Variants in CPLX2 observed in about 807,000 individuals in gnomAD.
CPLX2 encodes the protein complexin-2.
In CPLX2, 5 loss-of-function variants were observed where a neutral mutation model predicts 16.3. The observed-to-expected ratio is 0.31, with a 90% CI of 0.16 to 0.64. CPLX2 has a LOEUF of 0.64. Ranked by LOEUF, CPLX2 falls within the 30% of genes least tolerant of loss-of-function variation. The pLI, the probability that CPLX2 is intolerant of heterozygous loss-of-function variation, is 0.79. For synonymous variants in CPLX2, 89 were observed against 73.2 expected, an observed-to-expected ratio of 1.22 and a Z score of -1.10; for missense variants, 144 against 181.4, an observed-to-expected ratio of 0.79 and a Z score of 1.18.
rs1429270777 is a variant in CPLX2 at position 175,880,263 on chromosome 5, G to A, written c.*218G>A. 2 of 666,716 alleles carry A rather than the reference G, an allele frequency of 3.0e-6. No homozygotes were observed. The highest frequency in any genetic ancestry group is 5.5e-6 in the Non-Finnish European group (2 of 363,534). The allele number at this position is 666,716 out of a possible 1,614,324, so 41.3% of individuals were successfully genotyped here. ...CCACTCCCAAGTAGCTTGAAAAAGG[G>A]AGGACAGTCTTTCCCCAGCAGGGGT... On this transcript the variant is annotated 3_prime_UTR_variant, in exon 4 of 4. Transcript: ENST00000393745.
rs1412151599 is a variant in CPLX2 at position 175,845,492 on chromosome 5, A to G, written c.-88-33160A>G. Among the ~76,000 whole-genome samples the G allele has an allele frequency of 3.3e-5, 5 of 152,300 alleles. No homozygotes were observed. The highest frequency in any genetic ancestry group is 9.6e-5 in the African/African-American group (4 of 41,574). ...CCTTGGCAGATTATCCCATCAGGCA[A>G]AGGTCACTCCCCCTCATGAGGGCCA... On this transcript the variant is annotated intron_variant, in intron 2 of 4. Transcript: ENST00000359546. This position sits in a 1 kb window ranked among gnomAD's most constrained non-coding sequence, Gnocchi z 4.0.
chr5:175,834,421 T>C (rs922929826), intron 2 of CPLX2, among the ~76,000 whole-genome samples: 14 of 152,088 alleles, frequency 9.2e-5, no homozygotes, highest in African/African-American at 3.1e-4. Flanking sequence ...ATGGACTAAG[T>C]AGACGCAGAG....
At chr5:175,846,591 G>T (rs1237311366) in intron 2 of CPLX2, among the ~76,000 whole-genome samples, 1 of 152,146 alleles carries the variant, frequency 6.6e-6, no homozygotes, top group Non-Finnish European at 1.5e-5. Context: ...GCAAATCCAT[G>T]ACTACACCCA....
At chr5:175,856,925 G>A (rs1486150650) in intron 2 of CPLX2, among the ~76,000 whole-genome samples, 3 of 152,150 alleles carry the variant, frequency 2.0e-5, no homozygotes, top group African/African-American at 4.8e-5. Context: ...CCTTCACTGC[G>A]GACCTTGGTT....
At chr5:175,808,590 C>G (rs1758256118) in intron 1 of CPLX2, among the ~76,000 whole-genome samples, 1 of 152,136 alleles carries the variant, frequency 6.6e-6, no homozygotes, top group South Asian at 2.1e-4. Flanking sequence ...GATGAGGACA[C>G]TGAGGCTCAG....
chr5:175,852,662 G>C (rs1429554523), intron 2 of CPLX2, among the ~76,000 whole-genome samples: 1 of 152,246 alleles, frequency 6.6e-6, no homozygotes, highest in Non-Finnish European at 1.5e-5. Flanking sequence ...TTGGCTACAA[G>C]TAACGCAGGT....
In CPLX2 at chr5:175,879,947, G is replaced by A. The variant is rs1354002369; in HGVS notation, c.307G>A (p.Ala103Thr). 16 of 1,614,044 alleles carry A rather than the reference G, an allele frequency of 9.9e-6. No homozygotes were observed. Among genetic ancestry groups the A allele is most frequent in the Middle Eastern group, 3.3e-4 (2 of 6,062 alleles). The change falls in exon 4 of 4, where the codon GCG (alanine) becomes ACG (threonine). Residue 103 changes from alanine to threonine, a missense_variant. Transcript: ENST00000393745. Reference protein sequence around the residue: ...SLTRPKKAIPAGCGDEEEEEE... With the variant: ...SLTRPKKAIPTGCGDEEEEEE... ...GACCCGGCCCAAGAAGGCCATCCCTGCGGGCTGCGGGGACGAGGAGGAGGA... is the reference window on the plus strand; with the variant it reads ...GACCCGGCCCAAGAAGGCCATCCCTACGGGCTGCGGGGACGAGGAGGAGGA...
At chr5:175,879,125 C>T (rs1755500889) in intron 3 of CPLX2, 42 bp downstream of exon 3, 1 of 1,527,528 alleles carries the variant, frequency 6.5e-7, no homozygotes, top group Non-Finnish European at 8.8e-7. Context: ...GGGCCACAAG[C>T]GGGTAAAACC....
chr5:175,868,774 G>A (rs186207341), upstream of CPLX2, among the ~76,000 whole-genome samples: 1,023 of 152,012 alleles, frequency 6.7e-3, 10 homozygotes, highest in African/African-American at 0.023. Context: ...AATCTGCAGA[G>A]CAAAAGTTAC....
chr5:175,808,354 C>T (rs911809341), intron 1 of CPLX2, among the ~76,000 whole-genome samples: 5 of 152,200 alleles, frequency 3.3e-5, no homozygotes, highest in Admixed American at 6.5e-5. Context: ...TGCCCGGCCC[C>T]GTGCAGAGCT....
chr5:175,818,692 T>C (rs1423825387), intron 2 of CPLX2, among the ~76,000 whole-genome samples: 2 of 130,776 alleles, frequency 1.5e-5, no homozygotes, highest in Admixed American at 8.5e-5. Flanking sequence ...GACAGAGTCT[T>C]GCTCTGTCAC....
chr5:175,805,818 A>G (rs1447470560), intron 1 of CPLX2, among the ~76,000 whole-genome samples: 2 of 152,182 alleles, frequency 1.3e-5, no homozygotes, highest in Non-Finnish European at 2.9e-5. Context: ...GAGGACCTCC[A>G]ACTCCACAGC....
intron 2 of CPLX2, among the ~76,000 whole-genome samples, chr5:175,852,536 C>T (rs1449853538): frequency 1.3e-5 from 2 of 152,248 alleles, no homozygotes; most frequent in African/African-American, 4.8e-5. Context: ...AAGGCACGTA[C>T]ATTCACACAC....
chr5:175,837,140 C>T lies in CPLX2; in HGVS notation c.-89+28072C>T, dbSNP rs559998392. ...AAGGTGGTCTCACTGACCTGAGGCT[C>T]TGAGAGGAGCTGTGACCTGGTCAAG... On this transcript the variant is annotated intron_variant, in intron 2 of 4. Transcript: ENST00000359546. Among the ~76,000 whole-genome samples, 123 of 152,334 alleles carry T rather than the reference C, an allele frequency of 8.1e-4. 1 individual carries two copies. The highest frequency in any genetic ancestry group is 2.9e-3 in the African/African-American group (119 of 41,586).
intron 1 of CPLX2, among the ~76,000 whole-genome samples, chr5:175,801,659 AG>A (rs1758098869): frequency 6.6e-6 from 1 of 152,240 alleles, no homozygotes; most frequent in African/African-American, 2.4e-5. Flanking sequence ...ACTTATTTCA[AG>A]GGATTTCTGT....
chr5:175,816,443 G>A (rs1031101770), intron 2 of CPLX2, among the ~76,000 whole-genome samples: 6 of 152,216 alleles, frequency 3.9e-5, no homozygotes, highest in Non-Finnish European at 8.8e-5. Flanking sequence ...TAGGATTACA[G>A]GCTTGAGCCA....
chr5:175,871,427 G>GACAGAGAGAGAGAGAGAGAGAGAA (rs1561790288), upstream of CPLX2: 5 of 108,166 alleles, frequency 4.6e-5, no homozygotes, highest in African/African-American at 1.4e-4. Context: ...GAGAGAGAGA[G>GACAGAGAGAGAGAGAGAGAGAGAA]AGAGACAGAG....
At position 175,879,928 on chromosome 5, in the gene CPLX2, G is replaced by A; in HGVS notation, c.288G>A (p.Arg96=). The A allele has an allele frequency of 6.2e-7, 1 of 1,613,890 alleles. No individual in the cohort carries two copies. Among genetic ancestry groups the A allele is most frequent in the Non-Finnish European group, 8.5e-7 (1 of 1,179,946 alleles). ...AGCCCTGCGAGGGGAGCCTGACCCG[G>A]CCCAAGAAGGCCATCCCTGCGGGCT... ...LEQPCEGSLT[R]PKKAIPAGCG... The change falls in exon 4 of 4, where the codon CGG becomes CGA. Residue 96 remains arginine, a synonymous_variant. Transcript: ENST00000393745.
intron 2 of CPLX2, among the ~76,000 whole-genome samples, chr5:175,852,605 T>C (rs1225607996): frequency 6.6e-6 from 1 of 152,236 alleles, no homozygotes; most frequent in Non-Finnish European, 1.5e-5. Context: ...TGCCTTTTTC[T>C]GGATAGGGAA....
Sources: allele counts gnomAD v4.1 joint callset (sites outside exome capture counted in the v4.1 genomes callset), GRCh38; gene constraint gnomAD v4.1.1; non-coding constraint Gnocchi (gnomAD v3.1); transcripts MANE v1.5; gene names NCBI Gene and HGNC (gene_info 2026-07-23, HGNC 2026-07-21).